FAM78B: variants seen among roughly 807,000 people sequenced by gnomAD.
FAM78B encodes family with sequence similarity 78 member B, also known as protein FAM78B.
Under a neutral mutation model 20.0 loss-of-function variants are expected in FAM78B, and 10 were observed. The ratio of observed to expected loss-of-function variants is 0.50; its 90% CI spans 0.31 to 0.85. The LOEUF (loss-of-function observed/expected upper bound fraction) is 0.85. Ranked by LOEUF, FAM78B falls within the 40% of genes least tolerant of loss-of-function variation. The pLI is 0.05. For synonymous variants in FAM78B, 135 were observed against 132.8 expected (o/e 1.02, Z -0.12); for missense variants, 283 against 345.0 (o/e 0.82, Z 1.42).
At chr1:166,086,196 C>A (rs1652822373) in intron 1 of FAM78B, among the ~76,000 whole-genome samples, 1 of 152,000 alleles carries the variant, frequency 6.6e-6, no homozygotes, top group African/African-American at 2.4e-5. Flanking sequence ...TCTCCGGTAC[C>A]TTTGACCCCT....
intron 1 of FAM78B, among the ~76,000 whole-genome samples, chr1:166,078,045 A>G (rs1027981346): frequency 5.6e-5 from 8 of 143,862 alleles, no homozygotes; most frequent in African/African-American, 2.1e-4. Context: ...ATCTATATAT[A>G]TTTTTGAGAT....
intron 1 of FAM78B, among the ~76,000 whole-genome samples, chr1:166,147,570 C>G (rs1299476317): frequency 6.6e-6 from 1 of 152,168 alleles, no homozygotes; most frequent in Non-Finnish European, 1.5e-5. Context: ...TGCCTGAAAT[C>G]ACACAGCTAG....
At chr1:166,139,379 T>C (rs1163959384) in intron 1 of FAM78B, among the ~76,000 whole-genome samples, 5 of 152,130 alleles carry the variant, frequency 3.3e-5, no homozygotes, top group Admixed American at 2.0e-4. Context: ...TCAACAGGCA[T>C]TGAGAGTACT....
exon 3 of FAM78B, chr1:166,059,385 G>T (rs961431672): frequency 6.6e-6 from 1 of 152,264 alleles, no homozygotes; most frequent in East Asian, 1.9e-4. Flanking sequence ...CAAGGGAGAG[G>T]TGATACTAGA....
At chr1:166,117,136 T>C (rs1046225263) in intron 1 of FAM78B, among the ~76,000 whole-genome samples, 1 of 152,234 alleles carries the variant, frequency 6.6e-6, no homozygotes, top group Admixed American at 6.5e-5. Flanking sequence ...TGTTGCACTA[T>C]GGTCTCTTTC....
At chr1:166,132,643 T>A (rs541531542) in intron 1 of FAM78B, among the ~76,000 whole-genome samples, 1 of 152,320 alleles carries the variant, frequency 6.6e-6, no homozygotes, top group South Asian at 2.1e-4. Context: ...ATTGCTCTCT[T>A]TTGCCAAATC....
At chr1:166,132,193 A>G (rs186978388) in intron 1 of FAM78B, among the ~76,000 whole-genome samples, 2 of 152,332 alleles carry the variant, frequency 1.3e-5, no homozygotes, top group Admixed American at 1.3e-4. Context: ...ACTATTGTGT[A>G]ACACCAGAAT....
chr1:166,068,091 G>A (rs992976005), downstream of FAM78B, among the ~76,000 whole-genome samples: 3 of 152,148 alleles, frequency 2.0e-5, no homozygotes, highest in African/African-American at 7.2e-5. Flanking sequence ...TCTGTTGTTT[G>A]TTACAACTTT....
chr1:166,141,415 AAAC>A (rs1655271937), intron 1 of FAM78B, among the ~76,000 whole-genome samples: 1 of 152,250 alleles, frequency 6.6e-6, no homozygotes, highest in African/African-American at 2.4e-5. Flanking sequence ...AGAGATCATT[AAAC>A]AACTGAAAAA....
At chr1:166,100,539 G>T (rs144236803) in intron 1 of FAM78B, among the ~76,000 whole-genome samples, 6 of 152,360 alleles carry the variant, frequency 3.9e-5, no homozygotes, top group Non-Finnish European at 8.8e-5. Context: ...CACACCAGGA[G>T]ATTATATCCC....
intron 1 of FAM78B, among the ~76,000 whole-genome samples, chr1:166,150,030 C>G (rs1022829800): frequency 3.3e-5 from 5 of 152,334 alleles, no homozygotes; most frequent in African/African-American, 9.6e-5. Flanking sequence ...GGTCAGGGAA[C>G]AGGTGCAGAG....
chr1:166,104,498 T>C lies in FAM78B; in HGVS notation c.264-33735A>G, dbSNP rs536130046. Among the ~76,000 whole-genome samples the C allele has an allele frequency of 3.2e-4, 49 of 152,262 alleles. No homozygotes were observed. The South Asian group carries it at 6.2e-3, about 19-fold the overall frequency. ...ATCTCCTTAAGCTGATAAGCAACTTTAGCAAAGTCTCAGGATACAAAATCA... is the reference window on the plus strand; with the variant it reads ...ATCTCCTTAAGCTGATAAGCAACTTCAGCAAAGTCTCAGGATACAAAATCA... On this transcript the variant is annotated intron_variant, in intron 1 of 1. Transcript: ENST00000354422.
At chr1:166,132,883 G>T (rs1002831969) in intron 1 of FAM78B, among the ~76,000 whole-genome samples, 1 of 152,184 alleles carries the variant, frequency 6.6e-6, no homozygotes, top group Non-Finnish European at 1.5e-5. Flanking sequence ...CATAGTATCT[G>T]CTGGTTTCTC....
chr1:166,136,874 G>A (rs1333953337), intron 1 of FAM78B, among the ~76,000 whole-genome samples: 4 of 152,216 alleles, frequency 2.6e-5, no homozygotes, highest in Non-Finnish European at 5.9e-5. Context: ...GTTGCTGTGT[G>A]TTAGCATAAT....
intron 2 of FAM78B, chr1:166,060,677 T>C (rs767908007): frequency 2.3e-6 from 3 of 1,279,536 alleles, no homozygotes; most frequent in African/African-American, 1.5e-5. Flanking sequence ...TATGTGGACA[T>C]GGAAACATGT....
At chr1:166,147,226 C>G (rs756118733) in intron 1 of FAM78B, among the ~76,000 whole-genome samples, 1 of 152,186 alleles carries the variant, frequency 6.6e-6, no homozygotes, top group Non-Finnish European at 1.5e-5. Context: ...GTGGTGAGCA[C>G]AGTCAGAAAA....
Position 166,166,258 on chromosome 1 carries a change from C to T in FAM78B, c.-10G>A. 7.2e-7 allele frequency: 1 copy of T among 1,394,806 alleles called. No individual in the cohort carries two copies. 86.4% of individuals were successfully genotyped at this position (1,394,806 alleles called of 1,614,324 possible). A position where few individuals can be genotyped will look rare whatever the true frequency, so the allele number is the denominator to read the frequency against. On this transcript the variant is annotated 5_prime_UTR_variant, in exon 1 of 2. Transcript: ENST00000354422. ...TTTGGATACAGCCCATCCTGCAGCC[C>T]GGTGCCGGCACGGCGCGGCGTGGGG...
intron 1 of FAM78B, among the ~76,000 whole-genome samples, chr1:166,127,915 GCA>G: frequency 6.6e-6 from 1 of 152,214 alleles, no homozygotes; most frequent in Admixed American, 6.5e-5. Flanking sequence ...TAATTACTTG[GCA>G]CACACTGACG....
intron 1 of FAM78B, chr1:166,087,326 A>C (rs998985594): frequency 2.6e-5 from 4 of 152,114 alleles, no homozygotes; most frequent in Admixed American, 1.3e-4. Context: ...GCTCCCCAAA[A>C]TGCTAGGATT....
Sources: allele counts gnomAD v4.1 joint callset (sites outside exome capture counted in the v4.1 genomes callset), GRCh38; gene constraint gnomAD v4.1.1; transcripts MANE v1.5; gene names NCBI Gene and HGNC (gene_info 2026-07-23, HGNC 2026-07-21).